Variants in ADGRF5 observed in about 807,000 individuals in gnomAD.
ADGRF5 encodes G-protein coupled receptor 116.
ADGRF5 carries 75 observed loss-of-function variants against 132.3 expected under a neutral mutation model. That is an observed-to-expected ratio of 0.57 (90% CI 0.47 to 0.69). ADGRF5 has a LOEUF of 0.69. Ranked by LOEUF, ADGRF5 falls within the 30% of genes least tolerant of loss-of-function variation. The pLI, the probability that ADGRF5 is intolerant of heterozygous loss-of-function variation, is 0.00. For synonymous variants in ADGRF5, 629 were observed against 597.6 expected (o/e 1.05, Z -0.77); for missense variants, 1,516 against 1,630.6 (o/e 0.93, Z 1.21).
intron 14 of ADGRF5, 134 bp downstream of exon 14, chr6:46,864,908 A>G: frequency 1.6e-6 from 1 of 621,886 alleles, no homozygotes; most frequent in Non-Finnish European, 2.8e-6. Context: ...AAATACCACT[A>G]TGGTGAGCCC....
intron 1 of ADGRF5, among the ~76,000 whole-genome samples, chr6:46,917,163 T>C (rs1005010947): frequency 6.6e-6 from 1 of 152,254 alleles, no homozygotes; most frequent in Non-Finnish European, 1.5e-5. Flanking sequence ...ATCATCATCT[T>C]CATTTTACAG....
intron 7 of ADGRF5, among the ~76,000 whole-genome samples, 200 bp downstream of exon 7, chr6:46,881,849 A>G (rs1159294095): frequency 6.6e-6 from 1 of 152,176 alleles, no homozygotes; most frequent in Non-Finnish European, 1.5e-5. Context: ...TTTTGCACAT[A>G]TATAGAATGA....
intron 1 of ADGRF5, among the ~76,000 whole-genome samples, chr6:46,953,601 A>T (rs1339883749): frequency 7.7e-6 from 1 of 130,280 alleles, no homozygotes. Context: ...TGGGCGACAG[A>T]GTGAGACACA....
At chr6:46,889,684 A>C (rs1325053003) in intron 3 of ADGRF5, among the ~76,000 whole-genome samples, 1 of 147,394 alleles carries the variant, frequency 6.8e-6, no homozygotes, top group Non-Finnish European at 1.5e-5. Context: ...ACATATATAG[A>C]CTATATTTAG....
chr6:46,856,715 T>C lies in ADGRF5; in HGVS notation c.3876+3A>G. ...GAAAAGTCTCTGCAGAGAAAAAGTT[T>C]ACCTTTGAGTGCTGTGAAGACCATC... On this transcript the variant is annotated splice_donor_region_variant and intron_variant, in intron 19 of 20. Coordinates refer to ENST00000283296, the MANE Select transcript of ADGRF5 (RefSeq NM_001098518.2). 3.7e-6 allele frequency: 5 copies of C among 1,341,392 alleles called. No individual in the cohort carries two copies. Among genetic ancestry groups the C allele is most frequent in the Non-Finnish European group, 5.4e-6 (5 of 932,196 alleles). The allele number at this position is 1,341,392 out of a possible 1,614,324, so 83.1% of individuals were successfully genotyped here.
chr6:46,861,824 G>C (rs1440699536), intron 15 of ADGRF5, among the ~76,000 whole-genome samples: 1 of 152,182 alleles, frequency 6.6e-6, no homozygotes, highest in African/African-American at 2.4e-5. Flanking sequence ...TAGGTATCTA[G>C]AATTGGGACT....
At chr6:46,879,714 G>A (rs1478504853) in intron 9 of ADGRF5, 104 bp downstream of exon 9, 1 of 799,286 alleles carries the variant, frequency 1.3e-6, no homozygotes. Flanking sequence ...TATTTTGGAA[G>A]AGAAAAACAC....
At chr6:46,935,919 T>C (rs1463450938) in intron 1 of ADGRF5, among the ~76,000 whole-genome samples, 1 of 152,056 alleles carries the variant, frequency 6.6e-6, no homozygotes, top group Non-Finnish European at 1.5e-5. Context: ...GGTGAAGGCG[T>C]CCTCCGGAAT....
chr6:46,881,977 G>T, intron 7 of ADGRF5, 72 bp downstream of exon 7: 1 of 1,110,860 alleles, frequency 9.0e-7, no homozygotes, highest in Non-Finnish European at 1.4e-6. Flanking sequence ...GCCTCTCTAG[G>T]GGGTTTACCT....
chr6:46,946,288 G>A (rs116779812), intron 1 of ADGRF5, among the ~76,000 whole-genome samples: 101 of 152,304 alleles, frequency 6.6e-4, no homozygotes, highest in African/African-American at 2.3e-3. Flanking sequence ...CAAGACTAGA[G>A]GAAGTGGAGA....
intron 1 of ADGRF5, among the ~76,000 whole-genome samples, chr6:46,910,261 G>T (rs72859808): frequency 6.6e-6 from 1 of 152,176 alleles, no homozygotes; most frequent in Non-Finnish European, 1.5e-5. Flanking sequence ...TAGGATTGTG[G>T]GTAATAATTG....
chr6:46,883,422 C>A, intron 6 of ADGRF5, 137 bp downstream of exon 6: 3 of 627,714 alleles, frequency 4.8e-6, no homozygotes, highest in Non-Finnish European at 8.5e-6. Context: ...TATTAATTCA[C>A]CATCTCAGAT....
chr6:46,923,206 G>A (rs377128936), upstream of ADGRF5, among the ~76,000 whole-genome samples: 27 of 152,330 alleles, frequency 1.8e-4, no homozygotes, highest in Admixed American at 8.5e-4. Context: ...GATTACAGGC[G>A]TGAGCCACTG....
intron 1 of ADGRF5, among the ~76,000 whole-genome samples, chr6:46,937,478 G>A (rs975735852): frequency 2.0e-5 from 3 of 151,940 alleles, no homozygotes; most frequent in Non-Finnish European, 2.9e-5. Flanking sequence ...CCAACCATTC[G>A]TCACCATTCT....
chr6:46,951,833 G>A (rs972658221), intron 1 of ADGRF5, among the ~76,000 whole-genome samples: 1 of 152,172 alleles, frequency 6.6e-6, no homozygotes, highest in Non-Finnish European at 1.5e-5. Context: ...GTGCTGTTGG[G>A]GAATTACCAA....
At chr6:46,915,940 G>A (rs1028779387) in intron 1 of ADGRF5, among the ~76,000 whole-genome samples, 6 of 151,984 alleles carry the variant, frequency 3.9e-5, no homozygotes, top group African/African-American at 9.7e-5. Flanking sequence ...CCTCTGCAGC[G>A]CTCCCTTTCC....
At chr6:46,922,596 C>G (rs1777032115), upstream of ADGRF5, among the ~76,000 whole-genome samples, 1 of 152,188 alleles carries the variant, frequency 6.6e-6, no homozygotes, top group Non-Finnish European at 1.5e-5. Flanking sequence ...CATTTTTGAA[C>G]TGGAAGTGAC....
At chr6:46,863,407 G>T (rs1770022314) in intron 14 of ADGRF5, 1 of 452,670 alleles carries the variant, frequency 2.2e-6, no homozygotes, top group Admixed American at 2.8e-5. Flanking sequence ...CAGTGTCTGG[G>T]CTAAGTAAAT....
intron 2 of ADGRF5, among the ~76,000 whole-genome samples, chr6:46,904,213 C>A (rs1004121998): frequency 1.3e-5 from 2 of 152,222 alleles, no homozygotes; most frequent in Admixed American, 1.3e-4. Context: ...GCTACATCAT[C>A]ACCCTTTAAA....
Sources: gnomAD v4.1 joint callset for allele counts (sites outside exome capture counted in the v4.1 genomes callset) on GRCh38, gnomAD v4.1.1 for gene constraint, MANE v1.5 for transcripts, NCBI Gene and HGNC (gene_info 2026-07-23, HGNC 2026-07-21) for gene names.